Variants in SLC6A16 observed in about 807,000 individuals in gnomAD.
SLC6A16 encodes the protein solute carrier family 6 member 16.
A neutral mutation model predicts 65.4 loss-of-function variants in SLC6A16; 54 were observed. That is an observed-to-expected ratio of 0.83 (90% CI 0.66 to 1.04). The LOEUF is 1.04. Among genes scored for constraint, SLC6A16 ranks in the 50% least tolerant of loss-of-function variants. SLC6A16 has a pLI of 0.00. For synonymous variants in SLC6A16, 330 were observed against 346.5 expected, an observed-to-expected ratio of 0.95 and a Z score of 0.53; for missense variants, 816 against 914.0, an observed-to-expected ratio of 0.89 and a Z score of 1.38.
intron 1 of SLC6A16, among the ~76,000 whole-genome samples, chr19:49,315,241 A>G (rs1355022655): frequency 1.3e-5 from 2 of 152,176 alleles, no homozygotes; most frequent in Non-Finnish European, 2.9e-5. Flanking sequence ...AAGTAAGTAA[A>G]TACTTTCCCA....
chr19:49,294,939 C>T (rs574633484), intron 7 of SLC6A16, among the ~76,000 whole-genome samples: 1 of 152,186 alleles, frequency 6.6e-6, no homozygotes, highest in East Asian at 1.9e-4. Flanking sequence ...TCATAATGTC[C>T]CATGGAGTCG....
chr19:49,337,033 G>A, the SLC6A16 span: 2 of 1,613,296 alleles, frequency 1.2e-6, no homozygotes, highest in Non-Finnish European at 1.7e-6. Context: ...TCCTGGGCCT[G>A]GTGAGTGCAC....
At chr19:49,305,458 G>A (rs1391283722) in intron 7 of SLC6A16, among the ~76,000 whole-genome samples, 3 of 152,078 alleles carry the variant, frequency 2.0e-5, no homozygotes, top group Non-Finnish European at 4.4e-5. Flanking sequence ...TGGGTGTGGT[G>A]GTGGGTGCCT....
At chr19:49,317,679 G>A (rs1424058048) in intron 1 of SLC6A16, among the ~76,000 whole-genome samples, 13 of 151,782 alleles carry the variant, frequency 8.6e-5, no homozygotes, top group Admixed American at 7.9e-4. Flanking sequence ...GGTGGCGGGC[G>A]CCTGTAGTCC....
chr19:49,289,965 G>T lies in SLC6A16; in HGVS notation c.*158C>A. The stretch of plus-strand genomic sequence containing the variant: ...GTAAGATGGGACCCAGGAAGGGATT[G>T]CAAGTCCAGGCCCCATGAACACCCC... On this transcript the variant is annotated 3_prime_UTR_variant, in exon 12 of 12. Transcript: ENST00000335875. 2.9e-6 allele frequency: 2 copies of T among 686,514 alleles called. No homozygotes were observed. The highest frequency in any genetic ancestry group is 4.8e-6 in the Non-Finnish European group (2 of 413,546). The allele number at this position is 686,514 out of a possible 1,614,324, so 42.5% of individuals were successfully genotyped here. A position where few individuals can be genotyped will look rare whatever the true frequency, so the allele number is the denominator to read the frequency against.
Position 49,289,991 on chromosome 19 carries a change from C to T in SLC6A16, c.*132G>A. On this transcript the variant is annotated 3_prime_UTR_variant, in exon 12 of 12. Coordinates refer to ENST00000335875, the MANE Select transcript of SLC6A16 (RefSeq NM_014037.3). Reference sequence around the variant, plus strand: ...CAAGTCCAGGCCCCATGAACACCCCCAAAGAATGCCCCTCCTCTTGGAAAT... The same window carrying T: ...CAAGTCCAGGCCCCATGAACACCCCTAAAGAATGCCCCTCCTCTTGGAAAT... 1.1e-6 allele frequency: 1 copy of T among 935,746 alleles called. No homozygotes were observed. The highest frequency in any genetic ancestry group is 1.6e-6 in the Non-Finnish European group (1 of 630,210). 58.0% of individuals were successfully genotyped at this position (935,746 alleles called of 1,614,324 possible).
At chr19:49,294,921 G>C (rs1457139801) in intron 7 of SLC6A16, among the ~76,000 whole-genome samples, 1 of 152,090 alleles carries the variant, frequency 6.6e-6, no homozygotes, top group Non-Finnish European at 1.5e-5. Context: ...GGAGCACACA[G>C]ACTATGATCA....
At chr19:49,339,204 A>C in the SLC6A16 span, 1 of 835,252 alleles carries the variant, frequency 1.2e-6, no homozygotes, top group Admixed American at 2.1e-5. The surrounding 1 kb of genome is among the most constrained non-coding windows in gnomAD (Gnocchi z 4.5). Flanking sequence ...AGGAGACTAG[A>C]GTGCCCTGGT....
intron 7 of SLC6A16, 24 bp from the exon 8 acceptor site, chr19:49,294,577 A>G (rs1970149245): frequency 6.4e-7 from 1 of 1,568,726 alleles, no homozygotes; most frequent in Admixed American, 1.9e-5. Flanking sequence ...GTTGAATCAA[A>G]TCGAACCATT....
the SLC6A16 span, chr19:49,335,474 C>T: frequency 1.5e-5 from 16 of 1,100,506 alleles, no homozygotes; most frequent in Non-Finnish European, 2.1e-5. This position sits in a 1 kb window ranked among gnomAD's most constrained non-coding sequence, Gnocchi z 4.6. Context: ...CTTTCTTTCT[C>T]CCTGTCTCCC....
chr19:49,307,724 C>CAAA (rs74182049), intron 7 of SLC6A16, among the ~76,000 whole-genome samples: 2 of 76,698 alleles, frequency 2.6e-5, no homozygotes, highest in African/African-American at 6.3e-5. Flanking sequence ...GAGGAGGAAG[C>CAAA]AAAAAAAAAG....
At chr19:49,300,877 C>A (rs944604320) in intron 7 of SLC6A16, among the ~76,000 whole-genome samples, 3 of 151,970 alleles carry the variant, frequency 2.0e-5, no homozygotes, top group African/African-American at 7.2e-5. Context: ...CGTGGGGAAA[C>A]CCCGTCTCTA....
Position 49,293,354 on chromosome 19 carries a change from G to C in SLC6A16, c.1647C>G (p.Cys549Trp). Reference protein sequence around the residue: ...IVGVFLLMFVCGLFFTRPSGS... With the variant: ...IVGVFLLMFVWGLFFTRPSGS... ...CTGAAGGTCGAGTGAAGAAGAGGCC[G>C]CACACGAACATGAGCAAAAAGACTC... Residue 549 changes from cysteine to tryptophan, a missense_variant, in exon 10 of 12, where the codon TGC becomes TGG. By Grantham distance (215) the Cys-to-Trp change is radical. Coordinates refer to ENST00000335875, the MANE Select transcript of SLC6A16 (RefSeq NM_014037.3). 6.2e-7 allele frequency: 1 copy of C among 1,614,096 alleles called. No homozygotes were observed. The highest frequency in any genetic ancestry group is 8.5e-7 in the Non-Finnish European group (1 of 1,179,994).
the SLC6A16 span, chr19:49,339,977 A>G: frequency 4.9e-6 from 7 of 1,424,342 alleles, no homozygotes; most frequent in Non-Finnish European, 6.4e-6. The surrounding 1 kb of genome is among the most constrained non-coding windows in gnomAD (Gnocchi z 4.5). Context: ...GCAGAGGGGG[A>G]AGACAGATGA....
intron 1 of SLC6A16, among the ~76,000 whole-genome samples, chr19:49,315,753 A>G (rs1179317874): frequency 2.0e-5 from 3 of 151,980 alleles, no homozygotes; most frequent in Non-Finnish European, 4.4e-5. Context: ...AAAAACTTTT[A>G]GCAAACCAGG....
At chr19:49,318,115 G>A (rs552421060) in intron 1 of SLC6A16, among the ~76,000 whole-genome samples, 1 of 152,230 alleles carries the variant, frequency 6.6e-6, no homozygotes, top group African/African-American at 2.4e-5. Context: ...GTACCTTCGA[G>A]CCATTAGCTA....
chr19:49,290,491 C>A (rs1218574642), intron 11 of SLC6A16, 99 bp from the exon 12 acceptor site: 4 of 1,558,198 alleles, frequency 2.6e-6, no homozygotes, highest in Non-Finnish European at 3.5e-6. Flanking sequence ...AAGCAGAAAA[C>A]CCATGAGTCT....
At chr19:49,327,076 C>T (rs770939075), upstream of SLC6A16, among the ~76,000 whole-genome samples, 105 of 141,670 alleles carry the variant, frequency 7.4e-4, no homozygotes, top group Admixed American at 3.1e-3. Context: ...TTATTTCTAT[C>T]GAATTTTTTT....
chr19:49,293,161 A>C, intron 10 of SLC6A16, 62 bp downstream of exon 10: 3 of 1,555,868 alleles, frequency 1.9e-6, no homozygotes, highest in Non-Finnish European at 2.6e-6. Context: ...AGAGGCAACA[A>C]AAAAGGGGTC....
Sources: allele counts gnomAD v4.1 joint callset (sites outside exome capture counted in the v4.1 genomes callset), GRCh38; gene constraint gnomAD v4.1.1; non-coding constraint Gnocchi (gnomAD v3.1); transcripts MANE v1.5; gene names NCBI Gene and HGNC (gene_info 2026-07-23, HGNC 2026-07-21).